Variants in SGMS1 observed in about 807,000 individuals in gnomAD.
The protein encoded by SGMS1 is phosphatidylcholine:ceramide cholinephosphotransferase 1.
In SGMS1, 13 loss-of-function variants were observed where a neutral mutation model predicts 46.2. That is an observed-to-expected ratio of 0.28 (90% CI 0.18 to 0.45). The LOEUF (loss-of-function observed/expected upper bound fraction) is 0.45, where lower values mean the gene tolerates loss of function less well. Ranked by LOEUF, SGMS1 falls within the 20% of genes least tolerant of loss-of-function variation. The pLI, the probability that SGMS1 is intolerant of heterozygous loss-of-function variation, is 1.00. For synonymous variants in SGMS1, 203 were observed against 187.8 expected (o/e 1.08, Z -0.66); for missense variants, 324 against 519.9 (o/e 0.62, Z 3.66).
At chr10:50,484,726 C>A (rs1261634168) in intron 3 of SGMS1, among the ~76,000 whole-genome samples, 1 of 152,192 alleles carries the variant, frequency 6.6e-6, no homozygotes, top group Non-Finnish European at 1.5e-5. Context: ...CCCTGGAATG[C>A]AAGGCTGGTT....
Position 50,347,899 on chromosome 10 carries a change from A to G in SGMS1, c.-231-3554T>C, listed in dbSNP as rs187156368. Among the ~76,000 whole-genome samples, 37 of 152,334 alleles carry G rather than the reference A, an allele frequency of 2.4e-4. No homozygotes were observed. The East Asian group carries it at 7.1e-3, about 29-fold the overall frequency. ...TATTTTACTTTAAGTTCTGGGATAC[A>G]TGTGCTGACACGCAGGTTTGTTACT... On this transcript the variant is annotated intron_variant, in intron 6 of 10. Transcript: ENST00000361781.
intron 9 of SGMS1, among the ~76,000 whole-genome samples, chr10:50,310,751 G>A (rs985318194): frequency 6.6e-5 from 10 of 152,082 alleles, no homozygotes; most frequent in South Asian, 4.2e-4. Context: ...TTTTAAGTAC[G>A]TTTCTTAAGG....
intron 6 of SGMS1, among the ~76,000 whole-genome samples, chr10:50,412,496 A>G (rs1849114760): frequency 6.6e-6 from 1 of 152,208 alleles, no homozygotes; most frequent in Non-Finnish European, 1.5e-5. Flanking sequence ...TACAATGCCA[A>G]TGGCTCTTAC....
chr10:50,339,608 T>C (rs1332133718), intron 7 of SGMS1, among the ~76,000 whole-genome samples: 1 of 152,156 alleles, frequency 6.6e-6, no homozygotes, highest in Non-Finnish European at 1.5e-5. Context: ...CTTTACTCAG[T>C]GGAGCATCCC....
At chr10:50,371,790 TG>T (rs1848439756) in intron 6 of SGMS1, among the ~76,000 whole-genome samples, 1 of 152,202 alleles carries the variant, frequency 6.6e-6, no homozygotes, top group East Asian at 1.9e-4. Flanking sequence ...CTCAAGGGAC[TG>T]GCATCTAGTG....
chr10:50,570,180 A>G (rs1838325184), intron 2 of SGMS1, among the ~76,000 whole-genome samples: 1 of 152,216 alleles, frequency 6.6e-6, no homozygotes, highest in Admixed American at 6.5e-5. Context: ...CATAGTCTTT[A>G]CTAATTGAAC....
At chr10:50,315,396 G>C (rs1327319896) in intron 8 of SGMS1, among the ~76,000 whole-genome samples, 1 of 152,176 alleles carries the variant, frequency 6.6e-6, no homozygotes, top group East Asian at 1.9e-4. Context: ...GATTCCCTTG[G>C]AGCTCTGTCT....
chr10:50,385,563 C>G (rs538424332), intron 6 of SGMS1, among the ~76,000 whole-genome samples: 1 of 152,122 alleles, frequency 6.6e-6, no homozygotes, highest in Non-Finnish European at 1.5e-5. Flanking sequence ...TTTATAAGTG[C>G]TCCATGAAAT....
intron 6 of SGMS1, among the ~76,000 whole-genome samples, chr10:50,387,324 G>A (rs951712611): frequency 1.3e-5 from 2 of 152,136 alleles, no homozygotes; most frequent in Non-Finnish European, 2.9e-5. Flanking sequence ...AGGTCAAAAA[G>A]CCTTCCACAA....
chr10:50,623,097 C>G (rs1424171647), intron 1 of SGMS1, among the ~76,000 whole-genome samples: 1 of 151,908 alleles, frequency 6.6e-6, no homozygotes, highest in African/African-American at 2.4e-5. Flanking sequence ...GTTACGCGGC[C>G]TGGAGAGAAG....
chr10:50,469,743 C>T (rs1837362323), intron 3 of SGMS1, among the ~76,000 whole-genome samples: 1 of 152,048 alleles, frequency 6.6e-6, no homozygotes, highest in African/African-American at 2.4e-5. Flanking sequence ...TAGCAATACT[C>T]GAACTCCTAT....
chr10:50,625,031 C>G (rs1383812768), upstream of SGMS1: 1 of 1,003,860 alleles, frequency 1.0e-6, no homozygotes, highest in East Asian at 1.1e-4. Context: ...GCCACGCCCT[C>G]CCATCGGGCT....
intron 6 of SGMS1, among the ~76,000 whole-genome samples, chr10:50,348,315 G>A (rs932097854): frequency 6.6e-6 from 1 of 152,098 alleles, no homozygotes; most frequent in African/African-American, 2.4e-5. Context: ...TATAGGAAAA[G>A]GGCAATAAGG....
chr10:50,565,263 G>A (rs1341644039), intron 2 of SGMS1, among the ~76,000 whole-genome samples: 1 of 151,934 alleles, frequency 6.6e-6, no homozygotes, highest in Non-Finnish European at 1.5e-5. Context: ...CACACAATAG[G>A]TCTTCAGAGA....
At chr10:50,419,898 G>T (rs1191342393) in intron 6 of SGMS1, among the ~76,000 whole-genome samples, 1 of 152,208 alleles carries the variant, frequency 6.6e-6, no homozygotes, top group East Asian at 1.9e-4. Context: ...GATCTAAAGT[G>T]AGATCAGCAA....
chr10:50,437,077 CAATTT>C (rs1186151167), intron 5 of SGMS1, among the ~76,000 whole-genome samples: 1 of 152,164 alleles, frequency 6.6e-6, no homozygotes, highest in Non-Finnish European at 1.5e-5. Flanking sequence ...TGTCTATACA[CAATTT>C]AATAAAGTTC....
At chr10:50,496,126 A>G (rs989878914) in intron 3 of SGMS1, among the ~76,000 whole-genome samples, 5 of 152,340 alleles carry the variant, frequency 3.3e-5, no homozygotes, top group Non-Finnish European at 7.3e-5. Context: ...TCTCTGCAAA[A>G]CCACCAACCA....
At chr10:50,472,482 A>G (rs1433534879) in intron 3 of SGMS1, among the ~76,000 whole-genome samples, 1 of 152,162 alleles carries the variant, frequency 6.6e-6, no homozygotes, top group Non-Finnish European at 1.5e-5. Flanking sequence ...GTTGTTGCAA[A>G]TGACAGAATT....
At chr10:50,471,977 G>A (rs1837382787) in intron 3 of SGMS1, among the ~76,000 whole-genome samples, 1 of 152,156 alleles carries the variant, frequency 6.6e-6, no homozygotes, top group Non-Finnish European at 1.5e-5. Flanking sequence ...TTCGCACCCA[G>A]TAAAATCATA....
Sources: allele counts gnomAD v4.1 joint callset (sites outside exome capture counted in the v4.1 genomes callset), GRCh38; gene constraint gnomAD v4.1.1; transcripts MANE v1.5; gene names NCBI Gene and HGNC (gene_info 2026-07-23, HGNC 2026-07-21).